Variants in JMJD1C observed in about 807,000 individuals in gnomAD.
JMJD1C encodes jumonji domain containing 1C.
JMJD1C carries 31 observed loss-of-function variants against 245.3 expected under a neutral mutation model. The observed-to-expected ratio is 0.13, with a 90% confidence interval of 0.09 to 0.17. The LOEUF (loss-of-function observed/expected upper bound fraction) is 0.17. Among genes scored for constraint, JMJD1C ranks in the 10% least tolerant of loss-of-function variants. The probability of loss-of-function intolerance (pLI) is 1.00; values close to 1 mark genes in which losing one functional copy is unlikely to be tolerated. For missense variants in JMJD1C, 2,691 were observed against 3,000.2 expected (o/e 0.90, Z 2.41); for synonymous variants, 1,057 against 1,017.4 (o/e 1.04, Z -0.74).
chr10:63,324,039 C>CCTT (rs1554887521), intron 2 of JMJD1C, among the ~76,000 whole-genome samples: 2 of 136,106 alleles, frequency 1.5e-5, no homozygotes, highest in East Asian at 2.1e-4. Context: ...CTTCGTCTGC[C>CCTT]TTTTTTTTTT....
At chr10:63,346,087 G>A (rs1943794392) in intron 2 of JMJD1C, among the ~76,000 whole-genome samples, 1 of 152,134 alleles carries the variant, frequency 6.6e-6, no homozygotes, top group Non-Finnish European at 1.5e-5. Flanking sequence ...ATCTTGCCCA[G>A]GCTGGAATGC....
chr10:63,521,605 C>T, intron 1 of JMJD1C: 2 of 1,392,424 alleles, frequency 1.4e-6, no homozygotes, highest in Non-Finnish European at 9.5e-7. Context: ...CGCCCTGCAG[C>T]CGGCGCGAGG....
rs377543637 is a variant in JMJD1C, at chr10:63,272,784, T to C, written c.334-8020A>G. Among the ~76,000 whole-genome samples, 23 of 152,346 alleles carry C rather than the reference T, an allele frequency of 1.5e-4. 1 individual carries two copies. In the South Asian group the frequency reaches 4.6e-3, roughly 30 times the overall value. On this transcript the variant is annotated intron_variant, in intron 2 of 25. Transcript: ENST00000399262. The stretch of plus-strand genomic sequence containing the variant: ...ACTTTAGTACATTTCCCCAATTTAT[T>C]GTACATTAGAAAATTTCACAGGATT...
At chr10:63,487,659 G>C (rs1954041555) in intron 1 of JMJD1C, among the ~76,000 whole-genome samples, 1 of 152,198 alleles carries the variant, frequency 6.6e-6, no homozygotes, top group Admixed American at 6.5e-5. Flanking sequence ...GACCACGAAG[G>C]TGGGTAAGGC....
intron 2 of JMJD1C, among the ~76,000 whole-genome samples, chr10:63,275,212 T>C (rs1041513481): frequency 6.6e-6 from 1 of 152,222 alleles, no homozygotes; most frequent in Admixed American, 6.5e-5. Flanking sequence ...CACAGCTGAA[T>C]GATTTTTACA....
intron 1 of JMJD1C, among the ~76,000 whole-genome samples, chr10:63,454,271 TC>T (rs1181239344): frequency 6.6e-6 from 1 of 151,692 alleles, no homozygotes; most frequent in African/African-American, 2.4e-5. Context: ...TTTTTTTTTT[TC>T]TTTTTCAGAC....
chr10:63,403,034 T>G (rs1350337027), intron 1 of JMJD1C, among the ~76,000 whole-genome samples: 1 of 152,086 alleles, frequency 6.6e-6, no homozygotes, highest in Non-Finnish European at 1.5e-5. Flanking sequence ...GAAAGCATGA[T>G]TGAAATAATG....
At position 63,205,016 on chromosome 10, in the gene JMJD1C, T is replaced by G. The variant is rs920328156; in HGVS notation, c.5074+1579A>C. ...GGACATAGTGAAACTAAGTGCTTTCTGCATTGTGCAACATACCTAAAAAGA... is the reference window on the plus strand; with the variant it reads ...GGACATAGTGAAACTAAGTGCTTTCGGCATTGTGCAACATACCTAAAAAGA... On this transcript the variant is annotated intron_variant, in intron 10 of 25. Transcript: ENST00000399262. The G allele has an allele frequency of 4.8e-5, 47 of 985,274 alleles. No homozygotes were observed. The African/African-American group carries it at 8.0e-4, about 17-fold the overall frequency. 61.0% of individuals were successfully genotyped at this position (985,274 alleles called of 1,614,324 possible). A position where few individuals can be genotyped will look rare whatever the true frequency, so the allele number is the denominator to read the frequency against.
In JMJD1C at chr10:63,191,100, CTTT is replaced by C. The variant is rs768631769; in HGVS notation, c.6082_6084del (p.Lys2028del). ...TTAATTTGGTTTTCAAGGGTAAGTT[CTTT>C]GTTTTCTGAAATAGAAAATTTCACA... On this transcript the variant is annotated inframe_deletion, in exon 17 of 26. Transcript: ENST00000399262. The C allele has an allele frequency of 2.6e-5, 42 of 1,608,696 alleles. No homozygotes were observed. The highest frequency in any genetic ancestry group is 5.0e-5 in the Admixed American group (3 of 59,756).
chr10:63,226,735 A>AAGGGGGG (rs11448588), intron 3 of JMJD1C, among the ~76,000 whole-genome samples: 1 of 125,834 alleles, frequency 7.9e-6, no homozygotes, highest in Non-Finnish European at 1.7e-5. Flanking sequence ...AAAAAAAAAA[A>AAGGGGGG]GAGAGAGAGA....
chr10:63,372,125 G>A (rs1273806770), intron 2 of JMJD1C, among the ~76,000 whole-genome samples: 1 of 152,100 alleles, frequency 6.6e-6, no homozygotes, highest in Non-Finnish European at 1.5e-5. Flanking sequence ...CTTTGAGGGG[G>A]TTTCTTTTGG....
intron 1 of JMJD1C, among the ~76,000 whole-genome samples, chr10:63,381,448 GGCTACAGTGAGCTATGATA>G (rs1046967034): frequency 1.5e-4 from 23 of 152,252 alleles, no homozygotes; most frequent in African/African-American, 4.1e-4. Flanking sequence ...AGGAATTTGA[GGCTACAGTGAGCTATGATA>G]GCTACAGTGA....
intron 2 of JMJD1C, among the ~76,000 whole-genome samples, chr10:63,361,945 T>TA (rs60998110): frequency 0.14 from 20,761 of 151,920 alleles, 3,281 homozygotes; most frequent in African/African-American, 0.39. Flanking sequence ...TAAAAATCAC[T>TA]AGTTTGGGCC....
At chr10:63,498,161 T>C (rs931553314) in intron 1 of JMJD1C, among the ~76,000 whole-genome samples, 1 of 152,010 alleles carries the variant, frequency 6.6e-6, no homozygotes, top group Non-Finnish European at 1.5e-5. Flanking sequence ...GACTAAAAAA[T>C]AGCAAGTCAC....
rs768221341 is a variant in JMJD1C at position 63,214,839 on chromosome 10, T to G, written c.1328A>C (p.His443Pro). The change falls in exon 8 of 26, where the codon CAT becomes CCT. Residue 443 changes from histidine to proline, a missense_variant. His to Pro is a moderately conservative substitution (Grantham distance 77). Transcript: ENST00000399262. The part of the protein sequence containing the change: ...PWDQIQEDKK[H>P]EEAEKRKSVD... ...AGACTTCCGCTTCTCTGCTTCTTCA[T>G]GTTTTTTATCTTCCTGTATTTGATC... 1 of 1,610,116 alleles carries G rather than the reference T, an allele frequency of 6.2e-7. No homozygotes were observed. Among genetic ancestry groups the G allele is most frequent in the African/African-American group, 1.4e-5 (1 of 72,272 alleles).
chr10:63,519,108 G>C (rs762955780), intron 1 of JMJD1C, among the ~76,000 whole-genome samples: 1 of 152,142 alleles, frequency 6.6e-6, no homozygotes, highest in Non-Finnish European at 1.5e-5. Flanking sequence ...GGCCTATTGA[G>C]ATGTGAAAAA....
intron 2 of JMJD1C, among the ~76,000 whole-genome samples, chr10:63,280,275 C>A (rs758962553): frequency 6.6e-6 from 1 of 152,082 alleles, no homozygotes; most frequent in Admixed American, 6.5e-5. Flanking sequence ...GTAGGCCACA[C>A]GCGGTTGCTC....
chr10:63,199,983 G>T (rs1845847518), intron 11 of JMJD1C, among the ~76,000 whole-genome samples: 2 of 152,078 alleles, frequency 1.3e-5, no homozygotes, highest in African/African-American at 4.8e-5. Flanking sequence ...AGGCTTAGTT[G>T]TCCTACCACA....
At chr10:63,278,628 T>C (rs1589369857) in intron 2 of JMJD1C, among the ~76,000 whole-genome samples, 1 of 152,004 alleles carries the variant, frequency 6.6e-6, no homozygotes, top group East Asian at 1.9e-4. Flanking sequence ...GAGGCCGAAG[T>C]CGGGAGTTCA....
Sources: allele counts gnomAD v4.1 joint callset (sites outside exome capture counted in the v4.1 genomes callset), GRCh38; gene constraint gnomAD v4.1.1; transcripts MANE v1.5; gene names NCBI Gene and HGNC (gene_info 2026-07-23, HGNC 2026-07-21).